KLF9: variants seen among roughly 807,000 people sequenced by gnomAD.
The protein encoded by KLF9 is KLF transcription factor 9.
KLF9 carries 2 observed loss-of-function variants against 17.3 expected under a neutral mutation model. The ratio of observed to expected loss-of-function variants is 0.12; its 90% confidence interval spans 0.05 to 0.36. The LOEUF (loss-of-function observed/expected upper bound fraction) is 0.36. Among genes scored for constraint, KLF9 ranks in the 10% least tolerant of loss-of-function variants. The pLI, the probability that KLF9 is intolerant of heterozygous loss-of-function variation, is 1.00. For missense variants in KLF9, 226 were observed against 333.2 expected (o/e 0.68, Z 2.51); for synonymous variants, 138 against 139.2 (o/e 0.99, Z 0.06).
chr9:70,388,657 G>C lies in KLF9; in HGVS notation c.506-652C>G, dbSNP rs371449233. On this transcript the variant is annotated intron_variant, in intron 1 of 1. Transcript: ENST00000377126. ...TTTTGCTAAATTTCTTGGTGTTGTA[G>C]GATGGAAAAGAATTGGCATTGGGTC... Among the ~76,000 whole-genome samples, 57 of 152,214 alleles carry C rather than the reference G, an allele frequency of 3.7e-4. 1 individual carries two copies. The South Asian group carries it at 0.01, about 27-fold the overall frequency.
In KLF9 at chr9:70,387,955, G is replaced by C; in HGVS notation, c.556C>G (p.Arg186Gly). The C allele has an allele frequency of 6.2e-7, 1 of 1,613,924 alleles. No individual in the cohort carries two copies. Residue 186 changes from arginine to glycine, a missense_variant, in exon 2 of 2, where the codon CGC becomes GGC. By Grantham distance (125) the Arg-to-Gly change is moderately radical (BLOSUM62 -2). Coordinates refer to ENST00000377126, the MANE Select transcript of KLF9 (RefSeq NM_001206.4). The stretch of plus-strand genomic sequence containing the variant: ...TAGTGGCGGGTCAGCTCGTCTGAGC[G>C]GGAGAACTTTTTAAGGCAGTCTGGC... Reference protein sequence around the residue: ...TWPDCLKKFSRSDELTRHYRT... With the variant: ...TWPDCLKKFSGSDELTRHYRT...
At position 70,406,757 on chromosome 9, in the gene KLF9, C is replaced by A. The variant is rs373794257; in HGVS notation, c.505+6102G>T. On this transcript the variant is annotated intron_variant, in intron 1 of 1. Transcript: ENST00000377126. Reference sequence around the variant, plus strand: ...GCACTAATTTACGCTCTTCAGTGGGCGCTGGGCTTGCTGGAGAAACATTAG... The same window carrying A: ...GCACTAATTTACGCTCTTCAGTGGGAGCTGGGCTTGCTGGAGAAACATTAG... 3.2e-3 allele frequency among the ~76,000 whole-genome samples: 485 copies of A among 152,018 alleles called. 2 individuals carry two copies. Among genetic ancestry groups the A allele is most frequent in the African/African-American group, 0.011 (443 of 41,446 alleles).
chr9:70,398,674 T>C (rs2037199541), intron 1 of KLF9, among the ~76,000 whole-genome samples: 1 of 151,866 alleles, frequency 6.6e-6, no homozygotes, highest in South Asian at 2.1e-4. Context: ...GTATTTTTAG[T>C]AGAGACAGGT....
At chr9:70,388,414 A>C (rs1400312828) in intron 1 of KLF9, among the ~76,000 whole-genome samples, 1 of 152,168 alleles carries the variant, frequency 6.6e-6, no homozygotes, top group Non-Finnish European at 1.5e-5. Flanking sequence ...CCCAGTCTCC[A>C]GAACTGTGAG....
chr9:70,405,359 C>T (rs557858351), intron 1 of KLF9, among the ~76,000 whole-genome samples: 1 of 152,320 alleles, frequency 6.6e-6, no homozygotes, highest in South Asian at 2.1e-4. Flanking sequence ...TTTTGTATGG[C>T]TTAAGCTCCC....
chr9:70,407,013 T>C (rs1564088743), intron 1 of KLF9, among the ~76,000 whole-genome samples: 1 of 151,260 alleles, frequency 6.6e-6, no homozygotes, highest in Non-Finnish European at 1.5e-5. Flanking sequence ...GAAATCAAAC[T>C]GATGGGATAG....
rs1352660488 is a variant in KLF9, at chr9:70,413,565, C to T, written c.-202G>A. On this transcript the variant is annotated 5_prime_UTR_variant, in exon 1 of 2. Coordinates refer to ENST00000377126, the MANE Select transcript of KLF9 (RefSeq NM_001206.4). This position sits in a 1 kb window ranked among gnomAD's most constrained non-coding sequence, Gnocchi z 5.6. ...CCCCTCATCTTTACGTAACCGGCAG[C>T]GCCTCCGCACGCAGCATCCACGGCC... The T allele has an allele frequency of 5.9e-6, 2 of 339,522 alleles. No homozygotes were observed. The highest frequency in any genetic ancestry group is 6.5e-5 in the East Asian group (1 of 15,286). 21.0% of individuals were successfully genotyped at this position (339,522 alleles called of 1,614,324 possible). A position where few individuals can be genotyped will look rare whatever the true frequency, so the allele number is the denominator to read the frequency against.
chr9:70,395,557 T>C (rs775289204), intron 1 of KLF9, among the ~76,000 whole-genome samples: 9 of 152,124 alleles, frequency 5.9e-5, no homozygotes, highest in Non-Finnish European at 1.0e-4. Flanking sequence ...TGACAAAATG[T>C]TAAAATCTGT....
In KLF9 at chr9:70,409,841, T is replaced by C. The variant is rs149365226; in HGVS notation, c.505+3018A>G. ...TGGTTGAAGAAAAACAAACTGAACA[T>C]ACTATTTGAAAATGTAAATTAACAT... On this transcript the variant is annotated intron_variant, in intron 1 of 1. Coordinates refer to ENST00000377126, the MANE Select transcript of KLF9 (RefSeq NM_001206.4). Among the ~76,000 whole-genome samples, 244 of 152,306 alleles carry C rather than the reference T, an allele frequency of 1.6e-3. 1 individual carries two copies. The highest frequency in any genetic ancestry group is 1.2e-3 in the Non-Finnish European group (83 of 68,026).
At chr9:70,412,775 G>A in intron 1 of KLF9, 84 bp downstream of exon 1, 2 of 1,297,740 alleles carry the variant, frequency 1.5e-6, no homozygotes, top group Non-Finnish European at 2.1e-6. Flanking sequence ...TCGGCCGAGT[G>A]CAGTGTCCCG....
chr9:70,402,157 C>T (rs1428124403), intron 1 of KLF9, among the ~76,000 whole-genome samples: 2 of 152,140 alleles, frequency 1.3e-5, no homozygotes, highest in African/African-American at 4.8e-5. Flanking sequence ...ACTGAACAAG[C>T]ATTTTGGGGC....
Position 70,386,307 on chromosome 9 carries a change from G to C in KLF9, c.*1469C>G, listed in dbSNP as rs1347841183. 1 of 152,644 alleles carries C rather than the reference G, an allele frequency of 6.6e-6. No individual in the cohort carries two copies. 9.5% of individuals were successfully genotyped at this position (152,644 alleles called of 1,614,324 possible). On this transcript the variant is annotated 3_prime_UTR_variant, in exon 2 of 2. Coordinates refer to ENST00000377126, the MANE Select transcript of KLF9 (RefSeq NM_001206.4). Reference sequence around the variant, plus strand: ...AAGTTTTCAGGTAAATGGCATAGATGGATGTAGTGGTTTCAGCCATTATAG... The same window carrying C: ...AAGTTTTCAGGTAAATGGCATAGATCGATGTAGTGGTTTCAGCCATTATAG...
chr9:70,411,447 T>G (rs1344566734), intron 1 of KLF9, among the ~76,000 whole-genome samples: 1 of 152,054 alleles, frequency 6.6e-6, no homozygotes, highest in Admixed American at 6.5e-5. Context: ...TCAGCAACCT[T>G]ACAGATACAA....
In KLF9 at chr9:70,411,498, C is replaced by A. The variant is rs193242078; in HGVS notation, c.505+1361G>T. Among the ~76,000 whole-genome samples the A allele has an allele frequency of 7.2e-5, 11 of 152,246 alleles. No individual in the cohort carries two copies. In the East Asian group the frequency reaches 1.9e-3, roughly 27 times the overall value. Reference sequence around the variant, plus strand: ...GTTTTATGGCAACCTAAATGATGACCCCAAACAGAACCTGATTTTGCATTA... The same window carrying A: ...GTTTTATGGCAACCTAAATGATGACACCAAACAGAACCTGATTTTGCATTA... On this transcript the variant is annotated intron_variant, in intron 1 of 1. Coordinates refer to ENST00000377126, the MANE Select transcript of KLF9 (RefSeq NM_001206.4).
chr9:70,389,046 CAGG>C (rs1237842795), intron 1 of KLF9, among the ~76,000 whole-genome samples: 3 of 151,794 alleles, frequency 2.0e-5, no homozygotes, highest in Non-Finnish European at 4.4e-5. Flanking sequence ...GAGGCTGAGA[CAGG>C]AGAATTGCTT....
At position 70,385,871 on chromosome 9, in the gene KLF9, G is replaced by A. The variant is rs1262207007; in HGVS notation, c.*1905C>T. 6.6e-6 allele frequency: 1 copy of A among 152,134 alleles called. No individual in the cohort carries two copies. The highest frequency in any genetic ancestry group is 1.5e-5 in the Non-Finnish European group (1 of 68,018). The allele number at this position is 152,134 out of a possible 1,614,324, so 9.4% of individuals were successfully genotyped here. On this transcript the variant is annotated 3_prime_UTR_variant, in exon 2 of 2. Coordinates refer to ENST00000377126, the MANE Select transcript of KLF9 (RefSeq NM_001206.4). The stretch of plus-strand genomic sequence containing the variant: ...GAAAACACTTTCCTTTTTATCCCAT[G>A]GACTGCTCCCAGTCCCTAATGTTAA...
Position 70,414,606 on chromosome 9 carries a change from A to T in KLF9, c.-1243T>A, listed in dbSNP as rs1383899175. 6.6e-6 allele frequency: 1 copy of T among 152,218 alleles called. No individual in the cohort carries two copies. The highest frequency in any genetic ancestry group is 1.5e-5 in the Non-Finnish European group (1 of 68,042). The allele number at this position is 152,218 out of a possible 1,614,324, so 9.4% of individuals were successfully genotyped here. On this transcript the variant is annotated 5_prime_UTR_variant, in exon 1 of 2. Transcript: ENST00000377126. ...TAAATGCAGTGTGAATCTATAATTAAAAAAACCCCATTATGTCAGGATAAG... is the reference window on the plus strand; with the variant it reads ...TAAATGCAGTGTGAATCTATAATTATAAAAACCCCATTATGTCAGGATAAG...
intron 1 of KLF9, among the ~76,000 whole-genome samples, chr9:70,389,486 G>A (rs548327047): frequency 6.6e-6 from 1 of 152,152 alleles, no homozygotes; most frequent in African/African-American, 2.4e-5. Flanking sequence ...TGGCCACTTG[G>A]CTGTCCTGAC....
intron 1 of KLF9, among the ~76,000 whole-genome samples, chr9:70,411,018 C>CT (rs1276776872): frequency 1.3e-5 from 2 of 152,210 alleles, no homozygotes; most frequent in East Asian, 3.9e-4. Context: ...CCACTCCTGA[C>CT]TGGGAAAAAG....
Sources: gnomAD v4.1 joint callset for allele counts (sites outside exome capture counted in the v4.1 genomes callset) on GRCh38, gnomAD v4.1.1 for gene constraint, Gnocchi (gnomAD v3.1) non-coding constraint, MANE v1.5 for transcripts, NCBI Gene and HGNC (gene_info 2026-07-23, HGNC 2026-07-21) for gene names.